PRDM16: variants seen among roughly 807,000 people sequenced by gnomAD.
PRDM16 encodes the protein histone-lysine N-methyltransferase PRDM16.
Under a neutral mutation model 110.6 loss-of-function variants are expected in PRDM16, and 23 were observed. That is an observed-to-expected ratio of 0.21 (90% confidence interval 0.15 to 0.29). PRDM16 has a LOEUF of 0.29. PRDM16 is among the 10% of genes least tolerant of loss of function. PRDM16 has a pLI of 1.00. For synonymous variants in PRDM16, 799 were observed against 781.8 expected (o/e 1.02, Z -0.37); for missense variants, 1,615 against 1,794.3 (o/e 0.90, Z 1.81).
chr1:3,183,071 C>T (rs72846849), intron 1 of PRDM16, among the ~76,000 whole-genome samples: 9,800 of 152,306 alleles, frequency 0.064, 448 homozygotes, highest in East Asian at 0.19. Context: ...GTCAATCACA[C>T]GCTGTTACCC....
rs1056086723 is a variant in PRDM16, at chr1:3,148,918, T to C, written c.38-37207T>C. Among the ~76,000 whole-genome samples, 3 of 152,176 alleles carry C rather than the reference T, an allele frequency of 2.0e-5. No homozygotes were observed. Among genetic ancestry groups the C allele is most frequent in the African/African-American group, 7.2e-5 (3 of 41,454 alleles). ...GAGGATCCCAGTTGCGGAGGAAATG[T>C]TGGAGGAGGGGCAGTGGGGAAGGGC... On this transcript the variant is annotated intron_variant, in intron 1 of 16. Coordinates refer to ENST00000270722, the MANE Select transcript of PRDM16 (RefSeq NM_022114.4). This position sits in a 1 kb window ranked among gnomAD's most constrained non-coding sequence, Gnocchi z 5.0.
At chr1:3,365,098 A>G (rs1642786234) in intron 3 of PRDM16, among the ~76,000 whole-genome samples, 1 of 152,194 alleles carries the variant, frequency 6.6e-6, no homozygotes, top group Non-Finnish European at 1.5e-5. Context: ...GAGGGCAGCA[A>G]CCTGGAGCTG....
chr1:3,073,603 C>A (rs915373958), intron 1 of PRDM16, among the ~76,000 whole-genome samples: 2 of 152,114 alleles, frequency 1.3e-5, no homozygotes, highest in Non-Finnish European at 2.9e-5. Context: ...GGTGCAGCGG[C>A]GGCCGCGGGC....
rs1018434279 is a variant in PRDM16, at chr1:3,353,253, G to A, written c.439-31899G>A. On this transcript the variant is annotated intron_variant, in intron 3 of 16. Transcript: ENST00000270722. The surrounding 1 kb of genome is among the most constrained non-coding windows in gnomAD (Gnocchi z 5.4). ...TGCCTGAGGTGCGGTAAAAGTTTAC[G>A]AGGGCTGGGCAGCTCCTAGGCATGG... Among the ~76,000 whole-genome samples the A allele has an allele frequency of 4.6e-5, 7 of 152,350 alleles. No individual in the cohort carries two copies. The highest frequency in any genetic ancestry group is 3.4e-3 in the Middle Eastern group (1 of 294).
chr1:3,302,314 C>T (rs74050845), intron 3 of PRDM16, among the ~76,000 whole-genome samples: 5,840 of 152,010 alleles, frequency 0.038, 380 homozygotes, highest in African/African-American at 0.13. Context: ...TCTACCATAC[C>T]GTAGTATGTG....
intron 3 of PRDM16, among the ~76,000 whole-genome samples, chr1:3,259,163 C>A (rs937085903): frequency 6.6e-6 from 1 of 152,212 alleles, no homozygotes; most frequent in African/African-American, 2.4e-5. Flanking sequence ...CTTCTGCCCA[C>A]ACACAGCCCT....
Position 3,354,224 on chromosome 1 carries a change from C to T in PRDM16, c.439-30928C>T, listed in dbSNP as rs546982105. On this transcript the variant is annotated intron_variant, in intron 3 of 16. Transcript: ENST00000270722. ...CCTGTAATCCTAGCACTTTGGCAGG[C>T]CGAGGTGGGTGGATCACCTGAGGTC... Among the ~76,000 whole-genome samples, 83 of 152,246 alleles carry T rather than the reference C, an allele frequency of 5.5e-4. 1 individual carries two copies. The highest frequency in any genetic ancestry group is 1.9e-3 in the African/African-American group (77 of 41,544).
At chr1:3,289,226 A>G (rs1397795089) in intron 3 of PRDM16, among the ~76,000 whole-genome samples, 1 of 152,176 alleles carries the variant, frequency 6.6e-6, no homozygotes, top group Non-Finnish European at 1.5e-5. Flanking sequence ...ACAGGTGGGG[A>G]GGACCAGGGC....
intron 1 of PRDM16, among the ~76,000 whole-genome samples, chr1:3,085,335 G>A (rs924779918): frequency 6.6e-6 from 1 of 152,198 alleles, no homozygotes; most frequent in Non-Finnish European, 1.5e-5. Flanking sequence ...ACCAAGGTGC[G>A]GCTAGATACC....
At chr1:3,145,459 G>C (rs1643628971) in intron 1 of PRDM16, among the ~76,000 whole-genome samples, 1 of 152,188 alleles carries the variant, frequency 6.6e-6, no homozygotes, top group Admixed American at 6.5e-5. Flanking sequence ...AGGAGGAACG[G>C]GGCCTTGGAC....
intron 1 of PRDM16, among the ~76,000 whole-genome samples, chr1:3,118,211 GCACACACA>G (rs1202416533): frequency 1.1e-3 from 160 of 151,560 alleles, no homozygotes; most frequent in African/African-American, 3.6e-3. Flanking sequence ...ACGCACACAC[GCACACACA>G]CACGTGCACA....
intron 3 of PRDM16, among the ~76,000 whole-genome samples, chr1:3,320,326 G>T (rs1022557945): frequency 2.0e-5 from 3 of 152,210 alleles, no homozygotes; most frequent in African/African-American, 7.2e-5. Flanking sequence ...GTGTGTGTGT[G>T]TGCGTGTGTG....
chr1:3,074,368 C>A (rs939964317), intron 1 of PRDM16, among the ~76,000 whole-genome samples: 1 of 152,164 alleles, frequency 6.6e-6, no homozygotes, highest in African/African-American at 2.4e-5. Flanking sequence ...TTCCCCTCCC[C>A]CACAGAGCAC....
chr1:3,284,195 G>A (rs1053048112), intron 3 of PRDM16, among the ~76,000 whole-genome samples: 4 of 152,212 alleles, frequency 2.6e-5, no homozygotes, highest in Admixed American at 6.5e-5. Context: ...AAAGCACACC[G>A]GTTTGCAAAG....
intron 3 of PRDM16, among the ~76,000 whole-genome samples, chr1:3,247,413 G>A (rs1258738588): frequency 6.6e-6 from 1 of 152,220 alleles, no homozygotes; most frequent in Admixed American, 6.5e-5. Context: ...AGGCGAGGGC[G>A]GCCGGGCCGA....
chr1:3,431,017 T>C lies in PRDM16; in HGVS notation c.3430T>C (p.Ser1144Pro), dbSNP rs754116170. ...LAGKSQDDTV[S>P]PAPEPQAAYE... ...CGGGAAGTCGCAGGATGACACCGTG[T>C]CCCCCGCACCCGAGCCCCAGGCCGC... is the stretch of plus-strand genomic sequence containing the variant. The change falls in exon 15 of 17, where the codon TCC becomes CCC. Residue 1144 changes from serine (S) to proline (P), a missense_variant. By Grantham distance (74) the Ser-to-Pro change is moderately conservative. Transcript: ENST00000270722. 6 of 1,578,832 alleles carry C rather than the reference T, an allele frequency of 3.8e-6. No individual in the cohort carries two copies. Among genetic ancestry groups the C allele is most frequent in the Admixed American group, 1.9e-5 (1 of 53,802 alleles).
chr1:3,428,342 GA>G (rs1336121709), intron 14 of PRDM16, among the ~76,000 whole-genome samples: 1 of 150,988 alleles, frequency 6.6e-6, no homozygotes, highest in Non-Finnish European at 1.5e-5. Flanking sequence ...CACCAGGACA[GA>G]AGGCTGTCTC....
chr1:3,367,721 C>T (rs180959659), intron 3 of PRDM16, among the ~76,000 whole-genome samples: 27 of 152,280 alleles, frequency 1.8e-4, no homozygotes, highest in Non-Finnish European at 2.9e-5. Context: ...TTTTAAAGCA[C>T]TTACACTTCT....
chr1:3,200,817 C>T (rs1638604758), intron 2 of PRDM16, among the ~76,000 whole-genome samples: 1 of 152,174 alleles, frequency 6.6e-6, no homozygotes, highest in Non-Finnish European at 1.5e-5. Flanking sequence ...TAATCCCAGC[C>T]TCCACCCCGA....
Sources: allele counts gnomAD v4.1 joint callset (sites outside exome capture counted in the v4.1 genomes callset), GRCh38; gene constraint gnomAD v4.1.1; non-coding constraint Gnocchi (gnomAD v3.1); transcripts MANE v1.5; gene names NCBI Gene and HGNC (gene_info 2026-07-23, HGNC 2026-07-21).